The following PTPRD variants were observed in gnomAD, a reference collection of about 807,000 sequenced individuals.
PTPRD encodes the protein protein tyrosine phosphatase receptor type D, also known as receptor-type tyrosine-protein phosphatase delta.
Under a neutral mutation model 214.5 loss-of-function variants are expected in PTPRD, and 34 were observed. The ratio of observed to expected loss-of-function variants is 0.16; its 90% CI spans 0.12 to 0.21. The LOEUF is 0.21. PTPRD is among the 10% of genes least tolerant of loss of function. The pLI is 1.00. For missense variants in PTPRD, 2,545 were observed against 2,398.7 expected, an observed-to-expected ratio of 1.06 and a Z score of -1.27; for synonymous variants, 1,128 against 845.7, an observed-to-expected ratio of 1.33 and a Z score of -5.79.
At chr9:10,522,060 T>C (rs1385423403) in intron 2 of PTPRD, among the ~76,000 whole-genome samples, 1 of 152,066 alleles carries the variant, frequency 6.6e-6, no homozygotes, top group African/African-American at 2.4e-5. Context: ...TAGATGGATA[T>C]AATATTTAAG....
At chr9:8,973,022 AC>A (rs1419078928) in intron 11 of PTPRD, among the ~76,000 whole-genome samples, 72 of 151,466 alleles carry the variant, frequency 4.8e-4, no homozygotes, top group African/African-American at 1.7e-3. Flanking sequence ...AAAAAAAAAA[AC>A]ACTTTCATAG....
intron 8 of PTPRD, among the ~76,000 whole-genome samples, chr9:9,568,611 GTATGGATTTA>G (rs2085339037): frequency 6.6e-6 from 1 of 151,926 alleles, no homozygotes; most frequent in Non-Finnish European, 1.5e-5. Flanking sequence ...AGTCATACAT[GTATGGATTTA>G]TAGGTTTTCC....
intron 8 of PTPRD, among the ~76,000 whole-genome samples, chr9:9,415,076 G>A (rs940835730): frequency 2.0e-5 from 3 of 152,140 alleles, no homozygotes; most frequent in African/African-American, 7.2e-5. Context: ...TGTTTATTAA[G>A]TATTGTGTAA....
At chr9:8,484,012 C>T (rs1437299666) in intron 30 of PTPRD, 107 bp downstream of exon 30, 3 of 1,383,208 alleles carry the variant, frequency 2.2e-6, no homozygotes, top group East Asian at 4.6e-5. Context: ...AAGAATCTTT[C>T]ACTACATTAA....
intron 7 of PTPRD, among the ~76,000 whole-genome samples, chr9:9,701,882 G>A (rs1288211308): frequency 6.6e-6 from 1 of 152,134 alleles, no homozygotes; most frequent in Non-Finnish European, 1.5e-5. Context: ...ATTTTGGGAG[G>A]CCGAGGCGGG....
intron 7 of PTPRD, among the ~76,000 whole-genome samples, chr9:9,676,977 G>C (rs1435453354): frequency 2.0e-5 from 3 of 151,618 alleles, no homozygotes; most frequent in Non-Finnish European, 4.4e-5. Context: ...GGGGTTGTTT[G>C]TTTTTTTTCT....
intron 14 of PTPRD, among the ~76,000 whole-genome samples, chr9:8,612,958 A>T (rs2095500467): frequency 6.6e-6 from 1 of 152,194 alleles, no homozygotes; most frequent in African/African-American, 2.4e-5. Context: ...CTTCAGACTG[A>T]TTAGGTATTA....
At chr9:8,892,006 G>A (rs1003820558) in intron 11 of PTPRD, among the ~76,000 whole-genome samples, 5 of 151,756 alleles carry the variant, frequency 3.3e-5, no homozygotes, top group Non-Finnish European at 4.4e-5. Flanking sequence ...CTTCTTATTC[G>A]TTCACATACT....
chr9:10,187,819 G>A (rs1354888423), intron 3 of PTPRD, among the ~76,000 whole-genome samples: 2 of 152,144 alleles, frequency 1.3e-5, no homozygotes, highest in East Asian at 1.9e-4. Context: ...TGTGGCAAAG[G>A]TCCCCCACCT....
In PTPRD at chr9:8,652,037, G is replaced by T. The variant is rs1027984614; in HGVS notation, c.65-15193C>A. On this transcript the variant is annotated intron_variant, in intron 12 of 45. Transcript: ENST00000381196. The stretch of plus-strand genomic sequence containing the variant: ...CATTATCTGAGCCCCAGGAATATGG[G>T]AGGCTTTCCAAAGAAGCACAGACAG... 4.6e-5 allele frequency among the ~76,000 whole-genome samples: 7 copies of T among 152,286 alleles called. No individual in the cohort carries two copies. The South Asian group carries it at 1.4e-3, about 32-fold the overall frequency.
At chr9:10,482,203 C>G (rs1309402346) in intron 2 of PTPRD, among the ~76,000 whole-genome samples, 1 of 151,748 alleles carries the variant, frequency 6.6e-6, no homozygotes, top group Non-Finnish European at 1.5e-5. Flanking sequence ...AACCCCATCT[C>G]TACTAAAAAT....
At chr9:8,833,125 CAGAG>C (rs2097333503) in intron 11 of PTPRD, among the ~76,000 whole-genome samples, 1 of 152,094 alleles carries the variant, frequency 6.6e-6, no homozygotes, top group Non-Finnish European at 1.5e-5. Context: ...ACAGTGCTTA[CAGAG>C]AGAAAGAAAA....
chr9:9,980,148 A>AAAG, intron 4 of PTPRD, among the ~76,000 whole-genome samples: 1 of 152,296 alleles, frequency 6.6e-6, no homozygotes, highest in Admixed American at 6.5e-5. Context: ...CTTTTCAACA[A>AAAG]AATTTAACAG....
At chr9:9,476,359 C>T (rs908496513) in intron 8 of PTPRD, among the ~76,000 whole-genome samples, 1 of 152,098 alleles carries the variant, frequency 6.6e-6, no homozygotes, top group Non-Finnish European at 1.5e-5. Context: ...TAGCCAGGGG[C>T]CTATTCTCAG....
chr9:8,924,428 T>G (rs1240161803), intron 11 of PTPRD, among the ~76,000 whole-genome samples: 2 of 152,196 alleles, frequency 1.3e-5, no homozygotes, highest in African/African-American at 4.8e-5. Context: ...TTGCAACATG[T>G]CAAATTCACT....
chr9:10,435,367 A>T (rs668548), intron 2 of PTPRD, among the ~76,000 whole-genome samples: 59,539 of 151,744 alleles, frequency 0.39, 15,252 homozygotes, highest in African/African-American at 0.7. Flanking sequence ...CAAAGCATTT[A>T]GCCCTCGTTT....
intron 11 of PTPRD, among the ~76,000 whole-genome samples, chr9:8,804,688 C>G (rs1446668328): frequency 2.2e-5 from 3 of 135,576 alleles, no homozygotes; most frequent in Non-Finnish European, 4.6e-5. Flanking sequence ...TGAACTTTTT[C>G]TTACTCAGAA....
chr9:9,388,395 T>A (rs932706541), intron 9 of PTPRD, among the ~76,000 whole-genome samples: 6 of 152,164 alleles, frequency 3.9e-5, no homozygotes, highest in African/African-American at 1.4e-4. Flanking sequence ...CTCTTCTGTA[T>A]CATTTAAAGG....
Position 10,031,647 on chromosome 9 carries a change from T to TATATATATATATATATATATACACAC in PTPRD, c.-472+2070_-472+2071insGTGTGTATATATATATATATATATAT. Among the ~76,000 whole-genome samples the TATATATATATATATATATATACACAC allele has an allele frequency of 8.1e-4, 73 of 89,584 alleles. 3 individuals are homozygous for TATATATATATATATATATATACACAC. Among genetic ancestry groups the TATATATATATATATATATATACACAC allele is most frequent in the African/African-American group, 4.7e-3 (58 of 12,324 alleles). The allele number at this position is 89,584 out of a possible 152,430, so 58.8% of individuals were successfully genotyped here. ...CTCCATATATATATATATATATATA[T>TATATATATATATATATATATACACAC]ACACACACACACACACACATACACA... On this transcript the variant is annotated intron_variant, in intron 4 of 45. Transcript: ENST00000381196.
Sources: gnomAD v4.1 joint callset for allele counts (sites outside exome capture counted in the v4.1 genomes callset) on GRCh38, gnomAD v4.1.1 for gene constraint, MANE v1.5 for transcripts, NCBI Gene and HGNC (gene_info 2026-07-23, HGNC 2026-07-21) for gene names.